NRG3: variants seen among roughly 807,000 people sequenced by gnomAD.
The protein encoded by NRG3 is pro-neuregulin-3, membrane-bound isoform.
In NRG3, 31 loss-of-function variants were observed where a neutral mutation model predicts 66.9. The observed-to-expected ratio is 0.46, with a 90% confidence interval of 0.35 to 0.63. The LOEUF is 0.63. Ranked by LOEUF, NRG3 falls within the 20% of genes least tolerant of loss-of-function variation. NRG3 has a pLI of 0.00. For missense variants in NRG3, 910 were observed against 878.9 expected, an observed-to-expected ratio of 1.04 and a Z score of -0.45; for synonymous variants, 393 against 359.4, an observed-to-expected ratio of 1.09 and a Z score of -1.06.
Position 82,572,022 on chromosome 10 carries a change from G to A in NRG3, c.954-166555G>A, listed in dbSNP as rs184166196. Reference sequence around the variant, plus strand: ...TACTGTTTTAAGTATTTATTACACAGTATGTGTATTACTGTCATGTTTTTT... The same window carrying A: ...TACTGTTTTAAGTATTTATTACACAATATGTGTATTACTGTCATGTTTTTT... On this transcript the variant is annotated intron_variant, in intron 2 of 8. Transcript: ENST00000372141. 8.1e-4 allele frequency among the ~76,000 whole-genome samples: 123 copies of A among 151,596 alleles called. 1 individual carries two copies. The highest frequency in any genetic ancestry group is 1.5e-3 in the Non-Finnish European group (103 of 67,704).
intron 1 of NRG3, among the ~76,000 whole-genome samples, chr10:82,098,320 CATCTATATATATGACATAT>C (rs2066500939): frequency 6.7e-6 from 1 of 149,236 alleles, no homozygotes; most frequent in South Asian, 2.1e-4. Flanking sequence ...ATATAGATGT[CATCTATATATATGACATAT>C]ATATAGATGA....
At chr10:82,116,968 CT>C (rs1156401609) in intron 1 of NRG3, among the ~76,000 whole-genome samples, 2 of 152,104 alleles carry the variant, frequency 1.3e-5, no homozygotes, top group Non-Finnish European at 2.9e-5. Context: ...AACCCACTCT[CT>C]TTCTAGGGTT....
chr10:82,837,552 A>T (rs2062842360), intron 3 of NRG3, among the ~76,000 whole-genome samples: 1 of 152,196 alleles, frequency 6.6e-6, no homozygotes, highest in Non-Finnish European at 1.5e-5. Flanking sequence ...GAAGTTAACG[A>T]TCACTACCTG....
intron 3 of NRG3, among the ~76,000 whole-genome samples, chr10:82,786,977 G>T (rs1003279206): frequency 2.0e-5 from 3 of 152,140 alleles, no homozygotes; most frequent in Middle Eastern, 3.4e-3. Flanking sequence ...CTTGACCTTC[G>T]ACTTTATAGC....
chr10:82,574,484 G>A (rs1235123616), intron 2 of NRG3, among the ~76,000 whole-genome samples: 1 of 151,690 alleles, frequency 6.6e-6, no homozygotes, highest in Non-Finnish European at 1.5e-5. Flanking sequence ...TAAAGTGACT[G>A]CAGTTAACAA....
At chr10:82,805,267 T>C (rs1421649686) in intron 3 of NRG3, among the ~76,000 whole-genome samples, 1 of 152,128 alleles carries the variant, frequency 6.6e-6, no homozygotes, top group African/African-American at 2.4e-5. Context: ...ACTGCAGCTT[T>C]CACCAGCAGA....
At chr10:82,918,401 C>G (rs973619554) in intron 4 of NRG3, among the ~76,000 whole-genome samples, 1 of 152,054 alleles carries the variant, frequency 6.6e-6, no homozygotes, top group Non-Finnish European at 1.5e-5. Context: ...AAATGGGCAA[C>G]AAATTCACAA....
At chr10:82,848,735 G>C (rs1310170967) in intron 3 of NRG3, among the ~76,000 whole-genome samples, 1 of 152,060 alleles carries the variant, frequency 6.6e-6, no homozygotes, top group Admixed American at 6.5e-5. Context: ...TGGTGGGAGG[G>C]ACCCAGTGGG....
At chr10:82,283,459 A>G (rs61863050) in intron 1 of NRG3, among the ~76,000 whole-genome samples, 1,773 of 152,304 alleles carry the variant, frequency 0.012, 23 homozygotes, top group Non-Finnish European at 0.017. Flanking sequence ...AAGTTTTCCT[A>G]TGCAACCTTG....
chr10:82,211,456 C>G (rs2075388465), intron 1 of NRG3, among the ~76,000 whole-genome samples: 1 of 152,074 alleles, frequency 6.6e-6, no homozygotes, highest in Admixed American at 6.6e-5. Flanking sequence ...GTTTTGCTTT[C>G]AAGAGAAAAG....
At chr10:82,490,372 A>C (rs1363738808) in intron 2 of NRG3, among the ~76,000 whole-genome samples, 1 of 152,172 alleles carries the variant, frequency 6.6e-6, no homozygotes, top group Non-Finnish European at 1.5e-5. Flanking sequence ...TGGGTGATCT[A>C]TCAGCAAGGC....
chr10:82,596,429 G>A (rs1420074048), intron 2 of NRG3, among the ~76,000 whole-genome samples: 1 of 152,138 alleles, frequency 6.6e-6, no homozygotes, highest in African/African-American at 2.4e-5. Context: ...GGGTAACTTC[G>A]GTGTCTGCAA....
chr10:82,624,920 A>T (rs1287339849), intron 2 of NRG3, among the ~76,000 whole-genome samples: 4 of 139,608 alleles, frequency 2.9e-5, no homozygotes, highest in Non-Finnish European at 4.7e-5. Context: ...TATATATTTT[A>T]TATATATATA....
At chr10:82,569,119 G>C (rs1036724545) in intron 2 of NRG3, among the ~76,000 whole-genome samples, 1 of 151,644 alleles carries the variant, frequency 6.6e-6, no homozygotes, top group Non-Finnish European at 1.5e-5. Flanking sequence ...TGATGATGTA[G>C]CATTATAGCC....
intron 2 of NRG3, among the ~76,000 whole-genome samples, chr10:82,484,998 G>A (rs1842566716): frequency 6.6e-6 from 1 of 152,132 alleles, no homozygotes; most frequent in Non-Finnish European, 1.5e-5. Flanking sequence ...ATGTCAGTTT[G>A]CATACCTATA....
intron 3 of NRG3, among the ~76,000 whole-genome samples, chr10:82,773,388 G>A (rs2059786777): frequency 6.6e-6 from 1 of 152,100 alleles, no homozygotes; most frequent in Non-Finnish European, 1.5e-5. Context: ...GTCTTCTTTG[G>A]AGAAATGTCT....
chr10:82,064,595 A>G (rs982723013), intron 1 of NRG3, among the ~76,000 whole-genome samples: 20 of 152,182 alleles, frequency 1.3e-4, no homozygotes, highest in Non-Finnish European at 7.3e-5. Flanking sequence ...ATGTAAAGCT[A>G]TAGACGGACG....
At chr10:82,096,950 T>G (rs2066387790) in intron 1 of NRG3, among the ~76,000 whole-genome samples, 1 of 152,180 alleles carries the variant, frequency 6.6e-6, no homozygotes, top group African/African-American at 2.4e-5. Flanking sequence ...AAGAAAAAAT[T>G]TAAAATTTAC....
intron 1 of NRG3, among the ~76,000 whole-genome samples, chr10:82,100,284 T>C (rs2066647138): frequency 6.6e-6 from 1 of 152,140 alleles, no homozygotes; most frequent in African/African-American, 2.4e-5. Flanking sequence ...TGTGGATGCC[T>C]TTGAACTTCC....
Sources: allele counts gnomAD v4.1 joint callset (sites outside exome capture counted in the v4.1 genomes callset), GRCh38; gene constraint gnomAD v4.1.1; transcripts MANE v1.5; gene names NCBI Gene and HGNC (gene_info 2026-07-23, HGNC 2026-07-21).